The following TTN variants were observed in gnomAD, a reference collection of about 807,000 sequenced individuals.
The protein encoded by TTN is connectin.
Under a neutral mutation model 3,223.0 loss-of-function variants are expected in TTN, and 1,525 were observed. The observed-to-expected ratio is 0.47, with a 90% CI of 0.45 to 0.49. TTN has a LOEUF of 0.49. TTN is among the 20% of genes least tolerant of loss of function. TTN has a pLI of 0.00. For synonymous variants in TTN, 14,094 were observed against 15,161.0 expected (o/e 0.93, Z 5.17); for missense variants, 40,786 against 43,424.0 (o/e 0.94, Z 5.40).
Position 178,678,385 on chromosome 2 carries a change from C to T in TTN, c.33910+29G>A, listed in dbSNP as rs749662143. On this transcript the variant is annotated intron_variant, in intron 144 of 362. Transcript: ENST00000589042. The stretch of plus-strand genomic sequence containing the variant: ...ATACATAGATGTGAGTTTTTTCCCC[C>T]AAGTACTCTAAGTGATGAAATTATG... 47 of 1,559,776 alleles carry T rather than the reference C, an allele frequency of 3.0e-5. 1 individual carries two copies. In the South Asian group the frequency reaches 5.1e-4, roughly 17 times the overall value.
At position 178,607,115 on chromosome 2, in the gene TTN, C is replaced by T. The variant is rs2055073473; in HGVS notation, c.53487G>A (p.Glu17829=). Residue 17829 remains glutamate (E), a synonymous_variant, in exon 278 of 363, where the codon GAG becomes GAA. Coordinates refer to ENST00000589042, the MANE Select transcript of TTN (RefSeq NM_001267550.2). The part of the protein sequence containing the change: ...RSKCDITGLL[E]GQEYKFRVIA... ...TAACACGGAACTTATATTCTTGTCC[C>T]TCAAGCAGACCTGTGATGTCACATT... 1.2e-6 allele frequency: 2 copies of T among 1,612,636 alleles called. No individual in the cohort carries two copies. Among genetic ancestry groups the T allele is most frequent in the African/African-American group, 1.3e-5 (1 of 74,808 alleles).
At position 178,592,183 on chromosome 2, in the gene TTN, A is replaced by T; in HGVS notation, c.59721T>A (p.Ser19907=). Residue 19907 remains serine (S), a synonymous_variant, in exon 302 of 363, where the codon TCT becomes TCA. Transcript: ENST00000589042. ...TWKEPLDDGG[S]VITNYVVERR... is the part of the protein sequence containing the mutation. The stretch of plus-strand genomic sequence containing the variant: ...TCTCAACCACATAATTGGTAATAAC[A>T]GAACCACCATCATCCAGTGGTTCTT... 1 of 1,612,728 alleles carries T rather than the reference A, an allele frequency of 6.2e-7. No individual in the cohort carries two copies. Among genetic ancestry groups the T allele is most frequent in the South Asian group, 1.1e-5 (1 of 90,984 alleles).
At chr2:178,805,735 T>C (rs2094288346) in intron 1 of TTN, among the ~76,000 whole-genome samples, 1 of 152,226 alleles carries the variant, frequency 6.6e-6, no homozygotes, top group African/African-American at 2.4e-5. Flanking sequence ...AGAAAAATGC[T>C]GGCTTGAGTT....
Position 178,554,846 on chromosome 2 carries a change from G to A in TTN, c.88594+19C>T. ...TTTAGGCAAATGTAATATGACAGTG[G>A]TCTGTATTCAGCACCTACCAAGGAT... is the stretch of plus-strand genomic sequence containing the variant. On this transcript the variant is annotated intron_variant, in intron 331 of 362. Transcript: ENST00000589042. 2 of 1,613,638 alleles carry A rather than the reference G, an allele frequency of 1.2e-6. No homozygotes were observed. Among genetic ancestry groups the A allele is most frequent in the Non-Finnish European group, 1.7e-6 (2 of 1,179,768 alleles).
chr2:178,694,965 T>C (rs2073344769), intron 115 of TTN, 59 bp from the exon 116 acceptor site: 2 of 1,189,554 alleles, frequency 1.7e-6, no homozygotes, highest in Non-Finnish European at 2.4e-6. Context: ...ATTCTCTCTC[T>C]CTCTATCTCT....
Position 178,571,476 on chromosome 2 carries a change from C to G in TTN, c.74656G>C (p.Glu24886Gln). ...GCEYQFRIAA[E>Q]NRYGKSTYLN... is the part of the protein sequence containing the mutation. The stretch of plus-strand genomic sequence containing the variant: ...TAGGTACTCTTCCCATATCTGTTTT[C>G]AGCTGCAATTCTAAACTGATATTCA... The change falls in exon 326 of 363, where the codon GAA (glutamate) becomes CAA (glutamine). Residue 24886 changes from glutamate (E) to glutamine (Q), a missense_variant. Coordinates refer to ENST00000589042, the MANE Select transcript of TTN (RefSeq NM_001267550.2). 2 of 1,613,382 alleles carry G rather than the reference C, an allele frequency of 1.2e-6. No homozygotes were observed. Among genetic ancestry groups the G allele is most frequent in the Non-Finnish European group, 1.7e-6 (2 of 1,179,572 alleles).
At position 178,727,796 on chromosome 2, in the gene TTN, C is replaced by T; in HGVS notation, c.19782G>A (p.Lys6594=). The change falls in exon 68 of 363, where the codon AAG becomes AAA. Residue 6594 remains lysine, a synonymous_variant. Transcript: ENST00000589042. ...ATGGTGGTGTTCCTTTTAGTATTGC[C>T]TTAAATTCCACTGTAGAATCAGGTA... ...QAIPDSTVEF[K]AILKGTPPFK... is the part of the protein sequence containing the mutation. 9.9e-6 allele frequency: 16 copies of T among 1,612,706 alleles called. No individual in the cohort carries two copies. The highest frequency in any genetic ancestry group is 1.3e-5 in the Non-Finnish European group (15 of 1,179,172).
rs1272032995 is a variant in TTN at position 178,571,017 on chromosome 2, T to C, written c.75115A>G (p.Thr25039Ala). The C allele has an allele frequency of 1.2e-6, 2 of 1,612,656 alleles. No individual in the cohort carries two copies. Among genetic ancestry groups the C allele is most frequent in the Non-Finnish European group, 1.7e-6 (2 of 1,178,986 alleles). The change falls in exon 326 of 363, where the codon ACT becomes GCT. Residue 25039 changes from threonine to alanine, a missense_variant. Physicochemically the swap from Thr to Ala is moderately conservative, Grantham distance 58. Coordinates refer to ENST00000589042, the MANE Select transcript of TTN (RefSeq NM_001267550.2). ...TCTTTCTTCTCAACAATATAACCAGTGATCTTGCTTCCACCGTCATAGGTG... is the reference window on the plus strand; with the variant it reads ...TCTTTCTTCTCAACAATATAACCAGCGATCTTGCTTCCACCGTCATAGGTG... ...KPTYDGGSKI[T>A]GYIVEKKELP...
rs187307196 is a variant in TTN at position 178,572,350 on chromosome 2, G to A, written c.73782C>T (p.Leu24594=). 1.2e-5 allele frequency: 19 copies of A among 1,611,938 alleles called. No homozygotes were observed. The East Asian group carries it at 2.0e-4, about 17-fold the overall frequency. Residue 24594 remains leucine, a synonymous_variant, in exon 326 of 363, where the codon CTC becomes CTT. Coordinates refer to ENST00000589042, the MANE Select transcript of TTN (RefSeq NM_001267550.2). ...GCCCAATGCCATATTCATTTTCTGC[G>A]AGAACCCTGAAATAGTAGCTACAGC... ...QEGCSYYFRV[L]AENEYGIGLP...
At chr2:178,733,188 A>T (rs1349494674) in intron 54 of TTN, 51 bp downstream of exon 54, 1 of 1,556,398 alleles carries the variant, frequency 6.4e-7, no homozygotes, top group East Asian at 2.3e-5. Context: ...ACTTTAGGCC[A>T]TTTGTTGGGT....
In TTN at chr2:178,794,958, G is replaced by C; in HGVS notation, c.1209C>G (p.Ser403Arg). Reference protein sequence around the residue: ...GAAASVSASASYAAEAVATGA... With the variant: ...GAAASVSASARYAAEAVATGA... ...CAGTGGCAACAGCCTCTGCTGCGTA[G>C]CTAGCACTGGCCGACACACTGGCGG... Residue 403 changes from serine to arginine, a missense_variant, in exon 7 of 363, where the codon AGC becomes AGG. By Grantham distance (110) the Ser-to-Arg change is moderately radical (BLOSUM62 -1). Transcript: ENST00000589042. The C allele has an allele frequency of 6.2e-7, 1 of 1,604,888 alleles. No individual in the cohort carries two copies. The highest frequency in any genetic ancestry group is 8.5e-7 in the Non-Finnish European group (1 of 1,179,964).
rs773449874 is a variant in TTN, at chr2:178,757,701, G to A, written c.10519C>T (p.Pro3507Ser). 49 of 1,613,676 alleles carry A rather than the reference G, an allele frequency of 3.0e-5. No homozygotes were observed. The highest frequency in any genetic ancestry group is 4.1e-5 in the Non-Finnish European group (48 of 1,179,776). Residue 3507 changes from proline to serine, a missense_variant, in exon 45 of 363, where the codon CCA (proline) becomes TCA (serine). Pro to Ser is a moderately conservative substitution (Grantham distance 74, BLOSUM62 -1). Transcript: ENST00000589042. ...AAATGGAAAACTACATCTTTTGTTGGTAGAATTAGCTGCTGGTTATGAAAC... is the reference window on the plus strand; with the variant it reads ...AAATGGAAAACTACATCTTTTGTTGATAGAATTAGCTGCTGGTTATGAAAC... ...QWFHNQQLIL[P>S]TKDVVFHFEE...
chr2:178,703,168 G>A (rs1196254226), intron 106 of TTN, among the ~76,000 whole-genome samples: 1 of 152,124 alleles, frequency 6.6e-6, no homozygotes, highest in Non-Finnish European at 1.5e-5. Flanking sequence ...AAATTTTAGA[G>A]TTCAGAAATC....
chr2:178,568,571 G>A lies in TTN; in HGVS notation c.77561C>T (p.Thr25854Ile), dbSNP rs886055245. The A allele has an allele frequency of 1.2e-6, 2 of 1,613,340 alleles. No individual in the cohort carries two copies. Among genetic ancestry groups the A allele is most frequent in the Non-Finnish European group, 1.7e-6 (2 of 1,179,590 alleles). The stretch of plus-strand genomic sequence containing the variant: ...CTTATGAGTTTCTTTAATACTGAGT[G>A]TGGTGAGATCCAGTGAATCGGTAAC... ...INVTDSLDLT[T>I]LSIKETHKDD... The change falls in exon 326 of 363, where the codon ACA becomes ATA. Residue 25854 changes from threonine (T) to isoleucine (I), a missense_variant. Physicochemically the swap from Thr to Ile is moderately conservative, Grantham distance 89. Coordinates refer to ENST00000589042, the MANE Select transcript of TTN (RefSeq NM_001267550.2).
rs1553563774 is a variant in TTN at position 178,561,093 on chromosome 2, T to C, written c.85039A>G (p.Ile28347Val). Residue 28347 changes from isoleucine (I) to valine (V), a missense_variant, in exon 326 of 363, where the codon ATA becomes GTA. Ile to Val is a conservative substitution (Grantham distance 29, BLOSUM62 3). Transcript: ENST00000589042. ...SEPSESTGPI[I>V]VKDDVEPPRV... is the part of the protein sequence containing the mutation. ...GGAGGCTCAACATCATCTTTAACTA[T>C]AATAGGCCCAGTGGATTCAGATGGC... 1.9e-6 allele frequency: 3 copies of C among 1,613,850 alleles called. No homozygotes were observed. The highest frequency in any genetic ancestry group is 2.5e-6 in the Non-Finnish European group (3 of 1,179,800).
Position 178,775,872 on chromosome 2 carries a change from G to A in TTN, c.5992C>T (p.Arg1998Cys), listed in dbSNP as rs727503692. 9 of 1,614,082 alleles carry A rather than the reference G, an allele frequency of 5.6e-6. No homozygotes were observed. The highest frequency in any genetic ancestry group is 1.7e-5 in the Admixed American group (1 of 60,004). ...EKVPEESEEL[R>C]SKFKRRTEEG... ...TCTGTTCTGCGCTTGAATTTACTGCGCAGCTCTTCCGACTCTTCAGGCACT... is the reference window on the plus strand; with the variant it reads ...TCTGTTCTGCGCTTGAATTTACTGCACAGCTCTTCCGACTCTTCAGGCACT... The change falls in exon 28 of 363, where the codon CGC becomes TGC. Residue 1998 changes from arginine to cysteine, a missense_variant. Physicochemically the swap from Arg to Cys is radical, Grantham distance 180. Coordinates refer to ENST00000589042, the MANE Select transcript of TTN (RefSeq NM_001267550.2).
chr2:178,563,572 G>T lies in TTN; in HGVS notation c.82560C>A (p.Asn27520Lys), dbSNP rs56264840. 2.1e-3 allele frequency: 3,411 copies of T among 1,613,796 alleles called. 47 individuals carry two copies. The highest frequency in any genetic ancestry group is 0.02 in the South Asian group (1,857 of 91,084). Residue 27520 changes from asparagine (N) to lysine (K), a missense_variant, in exon 326 of 363, where the codon AAC (asparagine) becomes AAA (lysine). Transcript: ENST00000589042. This position sits in a 1 kb window ranked among gnomAD's most constrained non-coding sequence, Gnocchi z 4.5. ...GCCGCAGATCCGTTAATGTTTTCTT[G>T]TTGCACTTGGTCCATCTAACGCCTT... ...DKEGVRWTKC[N>K]KKTLTDLRLR...
rs542395622 is a variant in TTN, at chr2:178,673,554, A to C, written c.34786+79T>G. 2.8e-6 allele frequency: 3 copies of C among 1,070,796 alleles called. No individual in the cohort carries two copies. The African/African-American group carries it at 4.9e-5, about 18-fold the overall frequency. The allele number at this position is 1,070,796 out of a possible 1,614,324, so 66.3% of individuals were successfully genotyped here. On this transcript the variant is annotated intron_variant, in intron 152 of 362. Transcript: ENST00000589042. ...ACTATCTAAATGATTATAAGAAGGC[A>C]GTCAAAAAAGAAAATGTTGCTTTTA...
In TTN at chr2:178,611,689, G is replaced by C; in HGVS notation, c.50552-12C>G. 1 of 1,612,426 alleles carries C rather than the reference G, an allele frequency of 6.2e-7. No individual in the cohort carries two copies. Among genetic ancestry groups the C allele is most frequent in the Admixed American group, 1.7e-5 (1 of 59,818 alleles). On this transcript the variant is annotated splice_polypyrimidine_tract_variant and intron_variant, in intron 268 of 362. Coordinates refer to ENST00000589042, the MANE Select transcript of TTN (RefSeq NM_001267550.2). ...TGGTGAGGGAGGACCTGAGAAAAGA[G>C]TGAAATATTCATATCCACAGTCTCA...
Sources: gnomAD v4.1 joint callset for allele counts (sites outside exome capture counted in the v4.1 genomes callset) on GRCh38, gnomAD v4.1.1 for gene constraint, Gnocchi (gnomAD v3.1) non-coding constraint, MANE v1.5 for transcripts, NCBI Gene and HGNC (gene_info 2026-07-23, HGNC 2026-07-21) for gene names.